Variants in FRMD6 observed in about 807,000 individuals in gnomAD.
FRMD6 encodes FERM domain-containing protein 6.
Under a neutral mutation model 73.2 loss-of-function variants are expected in FRMD6, and 37 were observed. That is an observed-to-expected ratio of 0.51 (90% CI 0.39 to 0.66). The LOEUF is 0.66. Ranked by LOEUF, FRMD6 falls within the 30% of genes least tolerant of loss-of-function variation. The pLI, the probability that FRMD6 is intolerant of heterozygous loss-of-function variation, is 0.00. For synonymous variants in FRMD6, 273 were observed against 282.2 expected, an observed-to-expected ratio of 0.97 and a Z score of 0.33; for missense variants, 714 against 780.5, an observed-to-expected ratio of 0.91 and a Z score of 1.02.
intron 2 of FRMD6, among the ~76,000 whole-genome samples, chr14:51,601,481 G>A (rs1890034596): frequency 6.6e-6 from 1 of 152,114 alleles, no homozygotes. Flanking sequence ...CTGTCCAAGG[G>A]TTACCTTGGA....
intron 1 of FRMD6, among the ~76,000 whole-genome samples, chr14:51,671,725 A>C (rs534681674): frequency 6.6e-6 from 1 of 152,328 alleles, no homozygotes; most frequent in African/African-American, 2.4e-5. Flanking sequence ...AGAAATCAGC[A>C]GTTGGTGGAT....
intron 10 of FRMD6, among the ~76,000 whole-genome samples, chr14:51,719,818 T>TA (rs991620781): frequency 1.3e-5 from 2 of 152,254 alleles, no homozygotes; most frequent in African/African-American, 4.8e-5. Context: ...CCACTCTTCT[T>TA]ATACTGCTTG....
chr14:51,578,964 C>A (rs1888558018), intron 2 of FRMD6: 1 of 152,152 alleles, frequency 6.6e-6, no homozygotes, highest in South Asian at 2.1e-4. Context: ...TCCTTTTCTT[C>A]TTTACAGCTT....
intron 1 of FRMD6, among the ~76,000 whole-genome samples, chr14:51,490,109 T>C (rs1882909344): frequency 6.6e-6 from 1 of 152,208 alleles, no homozygotes; most frequent in South Asian, 2.1e-4. Context: ...GAGTTTGTCA[T>C]AACCAGATCC....
the FRMD6 span, among the ~76,000 whole-genome samples, chr14:51,467,585 G>A: frequency 1.3e-5 from 2 of 152,014 alleles, no homozygotes; most frequent in African/African-American, 2.4e-5. Flanking sequence ...GCGGCTGCCG[G>A]GCGGAGGGGC....
intron 7 of FRMD6, among the ~76,000 whole-genome samples, chr14:51,708,904 C>T (rs928235000): frequency 2.0e-5 from 3 of 152,146 alleles, no homozygotes; most frequent in East Asian, 1.9e-4. Context: ...TCCTCACTCT[C>T]GGAAGTTACT....
chr14:51,501,748 G>A (rs1407519084), intron 1 of FRMD6, among the ~76,000 whole-genome samples: 1 of 152,140 alleles, frequency 6.6e-6, no homozygotes, highest in African/African-American at 2.4e-5. Context: ...CCAGTAATGG[G>A]ATTGCTGGGT....
At chr14:51,527,084 A>G (rs1280839570) in intron 1 of FRMD6, among the ~76,000 whole-genome samples, 1 of 152,276 alleles carries the variant, frequency 6.6e-6, no homozygotes, top group Non-Finnish European at 1.5e-5. Flanking sequence ...ACTGTGCTTC[A>G]ACCTCTCTGT....
At chr14:51,649,473 T>G (rs1196605509), upstream of FRMD6, 2 of 152,216 alleles carry the variant, frequency 1.3e-5, no homozygotes, top group African/African-American at 4.8e-5. Flanking sequence ...ATCTGTTAGA[T>G]TTTGATTCAT....
At chr14:51,725,371 G>A (rs1443883987) in intron 12 of FRMD6, among the ~76,000 whole-genome samples, 1 of 152,150 alleles carries the variant, frequency 6.6e-6, no homozygotes, top group Non-Finnish European at 1.5e-5. Context: ...ACCAAATCTA[G>A]AAGGCATGTG....
the FRMD6 span, among the ~76,000 whole-genome samples, chr14:51,449,140 G>C: frequency 6.6e-6 from 1 of 152,180 alleles, no homozygotes; most frequent in African/African-American, 2.4e-5. Context: ...GCTGCTGGTG[G>C]CCACAGTCAT....
chr14:51,458,802 T>C, the FRMD6 span, among the ~76,000 whole-genome samples: 1 of 152,180 alleles, frequency 6.6e-6, no homozygotes, highest in African/African-American at 2.4e-5. Context: ...CTCTAGGTCT[T>C]AGTGATGAGA....
the FRMD6 span, among the ~76,000 whole-genome samples, chr14:51,452,063 C>T: frequency 1.3e-5 from 2 of 152,176 alleles, no homozygotes; most frequent in South Asian, 4.2e-4. Context: ...ATTCTTTCAG[C>T]AGTTGAATAC....
intron 1 of FRMD6, among the ~76,000 whole-genome samples, chr14:51,497,037 A>T (rs144231138): frequency 6.6e-6 from 1 of 152,312 alleles, no homozygotes; most frequent in African/African-American, 2.4e-5. Flanking sequence ...AAACAGGGAC[A>T]TGGTAACCTT....
chr14:51,410,887 C>G, the FRMD6 span, among the ~76,000 whole-genome samples: 1 of 152,112 alleles, frequency 6.6e-6, no homozygotes, highest in Admixed American at 6.5e-5. Flanking sequence ...TTTTAGAAAA[C>G]TGAACAGTAT....
intron 2 of FRMD6, among the ~76,000 whole-genome samples, chr14:51,613,722 C>T (rs528594501): frequency 6.6e-6 from 1 of 152,000 alleles, no homozygotes. Flanking sequence ...ACAAGTCCCT[C>T]TTTGCTCTAA....
At chr14:51,500,223 T>C (rs1157694614) in intron 1 of FRMD6, among the ~76,000 whole-genome samples, 1 of 152,116 alleles carries the variant, frequency 6.6e-6, no homozygotes, top group Non-Finnish European at 1.5e-5. Context: ...AATGTGGAAG[T>C]AGTGTAAAGA....
At chr14:51,425,401 C>T in the FRMD6 span, among the ~76,000 whole-genome samples, 1 of 152,086 alleles carries the variant, frequency 6.6e-6, no homozygotes, top group Non-Finnish European at 1.5e-5. Context: ...GTCCATACAT[C>T]TTCCATCCCT....
rs1044516224 is a variant in FRMD6, at chr14:51,518,325, C to T, written c.-210+28905C>T. 2.0e-5 allele frequency among the ~76,000 whole-genome samples: 3 copies of T among 152,102 alleles called. No homozygotes were observed. The East Asian group carries it at 5.8e-4, about 29-fold the overall frequency. ...AAGAAATGTAGATTTAGATGTAGACCACCATCCATGGCACCCTGTAGGCAA... is the reference window on the plus strand; with the variant it reads ...AAGAAATGTAGATTTAGATGTAGACTACCATCCATGGCACCCTGTAGGCAA... On this transcript the variant is annotated intron_variant, in intron 1 of 14. Transcript: ENST00000356218.
Sources: allele counts gnomAD v4.1 joint callset (sites outside exome capture counted in the v4.1 genomes callset), GRCh38; gene constraint gnomAD v4.1.1; transcripts MANE v1.5; gene names NCBI Gene and HGNC (gene_info 2026-07-23, HGNC 2026-07-21).